The following TRAPPC9 variants were observed in gnomAD, a reference collection of about 807,000 sequenced individuals.
TRAPPC9 encodes trafficking protein particle complex subunit 9, also known as IKK2 binding protein.
TRAPPC9 carries 83 observed loss-of-function variants against 124.0 expected under a neutral mutation model. That is an observed-to-expected ratio of 0.67 (90% CI 0.56 to 0.80). TRAPPC9 has a LOEUF of 0.80. TRAPPC9 is among the 30% of genes least tolerant of loss of function. The pLI is 0.00. For synonymous variants in TRAPPC9, 638 were observed against 617.5 expected (o/e 1.03, Z -0.49); for missense variants, 1,302 against 1,508.3 (o/e 0.86, Z 2.27).
intron 17 of TRAPPC9, among the ~76,000 whole-genome samples, chr8:140,220,437 G>A (rs562293478): frequency 1.6e-4 from 25 of 152,222 alleles, no homozygotes; most frequent in African/African-American, 5.1e-4. Context: ...CCAAGCTGCC[G>A]TGCAAACAGA....
chr8:140,250,983 C>T (rs947817071), intron 16 of TRAPPC9, among the ~76,000 whole-genome samples: 2 of 152,152 alleles, frequency 1.3e-5, no homozygotes, highest in Non-Finnish European at 2.9e-5. Flanking sequence ...GAGAGACTGC[C>T]CTAGTCCCCT....
chr8:139,948,248 AACACACACACACACACACACACACAC>A (rs141771160), intron 19 of TRAPPC9, among the ~76,000 whole-genome samples: 13 of 144,726 alleles, frequency 9.0e-5, no homozygotes, highest in Middle Eastern at 3.4e-3. Context: ...TGGTTCATAA[AACACACACACACACACACACACACAC>A]ACACACACAC....
chr8:140,061,627 C>T (rs908978746), intron 17 of TRAPPC9, among the ~76,000 whole-genome samples: 21 of 152,186 alleles, frequency 1.4e-4, no homozygotes, highest in African/African-American at 5.1e-4. Context: ...CTGAGCTGGG[C>T]TCTGAAGGAA....
intron 9 of TRAPPC9, 33 bp downstream of exon 9, chr8:140,360,017 T>G (rs757949901): frequency 6.2e-7 from 1 of 1,613,364 alleles, no homozygotes; most frequent in East Asian, 2.2e-5. Flanking sequence ...CACAGTTCCT[T>G]GAAAAAAAAC....
chr8:140,008,069 C>G (rs1438607576), intron 18 of TRAPPC9, among the ~76,000 whole-genome samples: 1 of 152,158 alleles, frequency 6.6e-6, no homozygotes, highest in East Asian at 1.9e-4. Flanking sequence ...GGTGCCAGCT[C>G]CTGCCCTCCA....
At chr8:139,879,275 G>C (rs1829532943) in intron 21 of TRAPPC9, among the ~76,000 whole-genome samples, 1 of 152,202 alleles carries the variant, frequency 6.6e-6, no homozygotes, top group African/African-American at 2.4e-5. Context: ...TGAGGAGTGG[G>C]TGGGTCCGAG....
intron 17 of TRAPPC9, among the ~76,000 whole-genome samples, chr8:140,130,163 T>G (rs1403826405): frequency 1.3e-5 from 2 of 151,814 alleles, no homozygotes; most frequent in East Asian, 3.9e-4. Flanking sequence ...AGAACTGGAG[T>G]GGATCATCAC....
chr8:139,831,414 A>G (rs539739159), intron 21 of TRAPPC9, among the ~76,000 whole-genome samples: 1 of 152,232 alleles, frequency 6.6e-6, no homozygotes, highest in East Asian at 1.9e-4. Flanking sequence ...CACAATTTAT[A>G]CACACACTCT....
At position 140,216,408 on chromosome 8, in the gene TRAPPC9, G is replaced by A. The variant is rs2063195309; in HGVS notation, c.2556+5051C>T. Among the ~76,000 whole-genome samples, 1 of 152,284 alleles carries A rather than the reference G, an allele frequency of 6.6e-6. No individual in the cohort carries two copies. The highest frequency in any genetic ancestry group is 1.9e-4 in the East Asian group (1 of 5,182). ...GCCACAGGCACCAAGACCCAACCAA[G>A]TGTGAAGAGCATCTCCTAGATTTTG... is the stretch of plus-strand genomic sequence containing the variant. On this transcript the variant is annotated intron_variant, in intron 17 of 22. Transcript: ENST00000438773. The surrounding 1 kb of genome is among the most constrained non-coding windows in gnomAD (Gnocchi z 4.1).
At chr8:140,070,566 G>T (rs959873697) in intron 17 of TRAPPC9, among the ~76,000 whole-genome samples, 1 of 152,192 alleles carries the variant, frequency 6.6e-6, no homozygotes, top group African/African-American at 2.4e-5. Context: ...AAACCAGACT[G>T]TTCTTGCTCC....
intron 5 of TRAPPC9, among the ~76,000 whole-genome samples, chr8:140,418,636 G>C (rs572810956): frequency 6.6e-6 from 1 of 152,222 alleles, no homozygotes; most frequent in African/African-American, 2.4e-5. Context: ...CAGTAGAATC[G>C]CTTGAACCTG....
intron 16 of TRAPPC9, among the ~76,000 whole-genome samples, chr8:140,234,124 G>A (rs1034749602): frequency 3.3e-5 from 5 of 152,178 alleles, no homozygotes; most frequent in Admixed American, 3.3e-4. Context: ...TGCAGCAGGA[G>A]GTGAGTGGAG....
At chr8:139,999,005 C>G (rs1007451284) in intron 18 of TRAPPC9, among the ~76,000 whole-genome samples, 1 of 151,880 alleles carries the variant, frequency 6.6e-6, no homozygotes, top group African/African-American at 2.4e-5. Context: ...AAGCTCAATG[C>G]TTTAAAAATC....
At chr8:140,281,882 G>A (rs1190123439) in intron 14 of TRAPPC9, among the ~76,000 whole-genome samples, 3 of 151,998 alleles carry the variant, frequency 2.0e-5, no homozygotes, top group East Asian at 1.9e-4. Context: ...CCCTCCCATC[G>A]AGCCTGTTGT....
At chr8:140,298,532 G>T (rs1049855148) in intron 11 of TRAPPC9, among the ~76,000 whole-genome samples, 1 of 152,074 alleles carries the variant, frequency 6.6e-6, no homozygotes, top group Non-Finnish European at 1.5e-5. Context: ...TGCACCTGTG[G>T]TCCCACCCAC....
At chr8:140,417,476 G>T (rs1050210054) in intron 5 of TRAPPC9, among the ~76,000 whole-genome samples, 1 of 152,174 alleles carries the variant, frequency 6.6e-6, no homozygotes, top group Non-Finnish European at 1.5e-5. Context: ...ATCATCACTG[G>T]TCATTAGAGA....
chr8:139,838,854 C>T lies in TRAPPC9; in HGVS notation c.3055+47025G>A, dbSNP rs74901972. Among the ~76,000 whole-genome samples the T allele has an allele frequency of 6.5e-3, 985 of 152,336 alleles. 13 individuals carry two copies. Among genetic ancestry groups the T allele is most frequent in the African/African-American group, 0.022 (923 of 41,582 alleles). Reference sequence around the variant, plus strand: ...GGTTTTCTTCCTCCTGCTGCTCTCCCGTCCAGCCCTGCTGTGGAGAGGCCC... The same window carrying T: ...GGTTTTCTTCCTCCTGCTGCTCTCCTGTCCAGCCCTGCTGTGGAGAGGCCC... On this transcript the variant is annotated intron_variant, in intron 21 of 22. Coordinates refer to ENST00000438773, the MANE Select transcript of TRAPPC9 (RefSeq NM_001160372.4).
chr8:139,880,677 C>CCTTTGA (rs1358709396), intron 21 of TRAPPC9, among the ~76,000 whole-genome samples: 1 of 152,190 alleles, frequency 6.6e-6, no homozygotes, highest in Non-Finnish European at 1.5e-5. Flanking sequence ...AGGTTCATAG[C>CCTTTGA]CTTTGACCTA....
At chr8:140,197,702 T>A (rs754038932) in intron 17 of TRAPPC9, among the ~76,000 whole-genome samples, 22 of 152,156 alleles carry the variant, frequency 1.4e-4, no homozygotes, top group Non-Finnish European at 2.8e-4. Flanking sequence ...CCTGTTGCTT[T>A]TTAAAACAGC....
Sources: allele counts gnomAD v4.1 joint callset (sites outside exome capture counted in the v4.1 genomes callset), GRCh38; gene constraint gnomAD v4.1.1; non-coding constraint Gnocchi (gnomAD v3.1); transcripts MANE v1.5; gene names NCBI Gene and HGNC (gene_info 2026-07-23, HGNC 2026-07-21).